SPIN1: variants seen among roughly 807,000 people sequenced by gnomAD.
SPIN1 encodes spindlin-1.
In SPIN1, 3 loss-of-function variants were observed where a neutral mutation model predicts 26.0. The observed-to-expected ratio is 0.12, with a 90% confidence interval of 0.05 to 0.30. The LOEUF (loss-of-function observed/expected upper bound fraction) is 0.30, where lower values mean the gene tolerates loss of function less well. Ranked by LOEUF, SPIN1 falls within the 10% of genes least tolerant of loss-of-function variation. The probability of loss-of-function intolerance (pLI) is 1.00; values close to 1 mark genes in which losing one functional copy is unlikely to be tolerated. For missense variants in SPIN1, 126 were observed against 333.4 expected (o/e 0.38, Z 4.84); for synonymous variants, 101 against 116.5 (o/e 0.87, Z 0.86).
rs145433148 is a variant in SPIN1, at chr9:88,396,921, T to C, written c.-159+8383T>C. ...GTAGGTATTTATTTATCTAAACATA[T>C]CTAAGGACAGAGAAAGTACAGTAGA... On this transcript the variant is annotated intron_variant, in intron 1 of 5. Transcript: ENST00000375859. Among the ~76,000 whole-genome samples, 20 of 152,100 alleles carry C rather than the reference T, an allele frequency of 1.3e-4. No homozygotes were observed. In the East Asian group the frequency reaches 3.9e-3, roughly 29 times the overall value.
intron 2 of SPIN1, among the ~76,000 whole-genome samples, chr9:88,440,928 C>T (rs914558456): frequency 1.4e-5 from 2 of 146,754 alleles, no homozygotes; most frequent in South Asian, 2.5e-4. Flanking sequence ...TGTTTTCTTA[C>T]AAAAAACAAA....
intron 3 of SPIN1, among the ~76,000 whole-genome samples, chr9:88,449,829 T>G (rs1228619986): frequency 6.6e-6 from 1 of 152,142 alleles, no homozygotes; most frequent in African/African-American, 2.4e-5. Flanking sequence ...GAGGCACTCT[T>G]AAGAAACATT....
At chr9:88,452,675 T>C (rs1048630986) in intron 3 of SPIN1, among the ~76,000 whole-genome samples, 1 of 152,200 alleles carries the variant, frequency 6.6e-6, no homozygotes, top group African/African-American at 2.4e-5. Context: ...GAACTGACTT[T>C]TTTAGGGTCT....
At chr9:88,411,116 GTGTCTTCTTTAA>G (rs1159962402) in intron 1 of SPIN1, 1 of 1,521,204 alleles carries the variant, frequency 6.6e-7, no homozygotes, top group African/African-American at 1.4e-5. Context: ...ATGTTCTTTA[GTGTCTTCTTTAA>G]TGCCACCAAC....
At chr9:88,407,152 A>G (rs971484448) in intron 1 of SPIN1, among the ~76,000 whole-genome samples, 18 of 151,456 alleles carry the variant, frequency 1.2e-4, no homozygotes, top group African/African-American at 3.6e-4. Context: ...AAAAAAAAAA[A>G]AAAAAGATGG....
At chr9:88,445,214 T>C (rs930056566) in intron 2 of SPIN1, among the ~76,000 whole-genome samples, 4 of 152,104 alleles carry the variant, frequency 2.6e-5, no homozygotes, top group African/African-American at 9.7e-5. Flanking sequence ...CTTTCTTTTT[T>C]TTCTTTTCTG....
At chr9:88,441,852 A>G (rs1376445817) in intron 2 of SPIN1, among the ~76,000 whole-genome samples, 1 of 148,572 alleles carries the variant, frequency 6.7e-6, no homozygotes, top group Non-Finnish European at 1.5e-5. Flanking sequence ...TATGTTACAT[A>G]TTTATTATAA....
chr9:88,464,549 A>G (rs1450096151), intron 4 of SPIN1, among the ~76,000 whole-genome samples: 2 of 152,228 alleles, frequency 1.3e-5, no homozygotes, highest in East Asian at 3.8e-4. Flanking sequence ...TTGCAAGGTC[A>G]GAAATATTTT....
In SPIN1 at chr9:88,476,321, A is replaced by G. The variant is rs1315091213; in HGVS notation, c.*1044A>G. The G allele has an allele frequency of 6.6e-6, 1 of 152,192 alleles. No homozygotes were observed. Among genetic ancestry groups the G allele is most frequent in the African/African-American group, 2.4e-5 (1 of 41,452 alleles). 9.4% of individuals were successfully genotyped at this position (152,192 alleles called of 1,614,324 possible). On this transcript the variant is annotated 3_prime_UTR_variant, in exon 6 of 6. Coordinates refer to ENST00000375859, the MANE Select transcript of SPIN1 (RefSeq NM_006717.3). ...ATTGGAAGTATAAGTTTTGAGTGGC[A>G]TTGTTGCCTTCTAACAAGCTCTCTG...
chr9:88,406,379 C>T (rs1481336966), intron 1 of SPIN1, among the ~76,000 whole-genome samples: 1 of 151,602 alleles, frequency 6.6e-6, no homozygotes. Context: ...CAAGCTCCGC[C>T]TCCCAGGTTC....
At chr9:88,389,523 T>C (rs1826873717) in intron 1 of SPIN1, 1 of 152,236 alleles carries the variant, frequency 6.6e-6, no homozygotes, top group African/African-American at 2.4e-5. Context: ...GAATCAGATT[T>C]TGTGTTTTGG....
At chr9:88,423,715 C>T (rs567997268) in intron 1 of SPIN1, among the ~76,000 whole-genome samples, 4 of 150,644 alleles carry the variant, frequency 2.7e-5, no homozygotes, top group South Asian at 2.1e-4. Context: ...TGTGCCCAGC[C>T]TACATCATGT....
At chr9:88,458,348 A>G (rs1325509568) in intron 3 of SPIN1, among the ~76,000 whole-genome samples, 1 of 151,920 alleles carries the variant, frequency 6.6e-6, no homozygotes, top group African/African-American at 2.4e-5. Context: ...AATCAGTTCA[A>G]AAGGGAGGAA....
chr9:88,453,146 T>A (rs187587579), intron 3 of SPIN1, among the ~76,000 whole-genome samples: 41 of 152,294 alleles, frequency 2.7e-4, no homozygotes, highest in Middle Eastern at 3.4e-3. Flanking sequence ...CCTTTTTTTT[T>A]AAATTTTTTA....
chr9:88,463,671 C>T (rs1828612003), intron 4 of SPIN1, among the ~76,000 whole-genome samples: 1 of 152,128 alleles, frequency 6.6e-6, no homozygotes, highest in African/African-American at 2.4e-5. Context: ...TTGTTTTACT[C>T]TTCTCTTTAG....
At position 88,416,262 on chromosome 9, in the gene SPIN1, T is replaced by C. The variant is rs72755879; in HGVS notation, c.-158-10120T>C. On this transcript the variant is annotated intron_variant, in intron 1 of 5. Coordinates refer to ENST00000375859, the MANE Select transcript of SPIN1 (RefSeq NM_006717.3). ...GGAATTGCAGATATTTTGCTGTCTT[T>C]TCCTCTTTTTTGTTTTTAAATTTCT... Among the ~76,000 whole-genome samples the C allele has an allele frequency of 7.9e-3, 1,204 of 152,290 alleles. 6 individuals carry two copies. Among genetic ancestry groups the C allele is most frequent in the Non-Finnish European group, 0.013 (862 of 68,012 alleles).
In SPIN1 at chr9:88,436,139, T is replaced by C. The variant is rs566450262; in HGVS notation, c.52+9548T>C. On this transcript the variant is annotated intron_variant, in intron 2 of 5. Coordinates refer to ENST00000375859, the MANE Select transcript of SPIN1 (RefSeq NM_006717.3). ...TTAAAGAGGTGGGGTCTAACTGTGTTGCCCAGGCTGGACTTCAGTTCCTTG... is the reference window on the plus strand; with the variant it reads ...TTAAAGAGGTGGGGTCTAACTGTGTCGCCCAGGCTGGACTTCAGTTCCTTG... 2.0e-5 allele frequency among the ~76,000 whole-genome samples: 3 copies of C among 152,296 alleles called. No homozygotes were observed. In the South Asian group the frequency reaches 6.2e-4, roughly 32 times the overall value.
intron 1 of SPIN1, among the ~76,000 whole-genome samples, chr9:88,425,275 G>C (rs1015862394): frequency 1.3e-5 from 2 of 152,138 alleles, no homozygotes; most frequent in African/African-American, 4.8e-5. Context: ...GGAAAGGTGA[G>C]TAAGCAACCA....
chr9:88,390,963 A>G (rs1222883949), intron 1 of SPIN1, among the ~76,000 whole-genome samples: 1 of 152,196 alleles, frequency 6.6e-6, no homozygotes, highest in Admixed American at 6.5e-5. Flanking sequence ...TGGAGTTCAC[A>G]TTTTTGAAAA....
Sources: allele counts gnomAD v4.1 joint callset (sites outside exome capture counted in the v4.1 genomes callset), GRCh38; gene constraint gnomAD v4.1.1; transcripts MANE v1.5; gene names NCBI Gene and HGNC (gene_info 2026-07-23, HGNC 2026-07-21).